The following FOXP2 variants were observed in gnomAD, a reference collection of about 807,000 sequenced individuals.
FOXP2 encodes forkhead box protein P2.
Under a neutral mutation model 115.8 loss-of-function variants are expected in FOXP2, and 12 were observed. That is an observed-to-expected ratio of 0.10 (90% CI 0.07 to 0.17). The LOEUF is 0.17. Ranked by LOEUF, FOXP2 falls within the 10% of genes least tolerant of loss-of-function variation. The pLI is 1.00. For missense variants in FOXP2, 629 were observed against 843.5 expected, an observed-to-expected ratio of 0.75 and a Z score of 3.15; for synonymous variants, 328 against 297.7, an observed-to-expected ratio of 1.10 and a Z score of -1.05.
intron 1 of FOXP2, among the ~76,000 whole-genome samples, chr7:114,234,561 A>T (rs1373838893): frequency 6.6e-6 from 1 of 152,198 alleles, no homozygotes; most frequent in Admixed American, 6.5e-5. Flanking sequence ...AATTACTTGG[A>T]ATTTAAAACA....
At chr7:114,185,344 G>A (rs1054310321) in intron 1 of FOXP2, among the ~76,000 whole-genome samples, 3 of 151,924 alleles carry the variant, frequency 2.0e-5, no homozygotes, top group Non-Finnish European at 4.4e-5. Flanking sequence ...TTTATTCCCC[G>A]TTCTGACAAT....
chr7:114,650,275 A>G (rs879287708), intron 8 of FOXP2, among the ~76,000 whole-genome samples: 15 of 152,134 alleles, frequency 9.9e-5, no homozygotes, highest in Admixed American at 2.0e-4. Context: ...TGTTATAGTG[A>G]CTATGCCTTT....
At chr7:114,361,258 T>A (rs1368298220) in intron 2 of FOXP2, among the ~76,000 whole-genome samples, 3 of 152,216 alleles carry the variant, frequency 2.0e-5, no homozygotes, top group Non-Finnish European at 2.9e-5. Context: ...TTGCCTAGGA[T>A]AATTAAGAAT....
At chr7:114,261,442 TTATC>T (rs1321640305) in intron 1 of FOXP2, among the ~76,000 whole-genome samples, 1 of 152,172 alleles carries the variant, frequency 6.6e-6, no homozygotes, top group Non-Finnish European at 1.5e-5. Flanking sequence ...TGTATTTTGA[TTATC>T]TAAGGAAAAG....
intron 2 of FOXP2, among the ~76,000 whole-genome samples, chr7:114,489,950 G>A (rs1045391823): frequency 6.6e-6 from 1 of 152,096 alleles, no homozygotes; most frequent in Non-Finnish European, 1.5e-5. Flanking sequence ...AGGATGTGGA[G>A]CAACAGGGAC....
At chr7:114,433,361 A>G (rs1794197188) in intron 2 of FOXP2, among the ~76,000 whole-genome samples, 1 of 151,986 alleles carries the variant, frequency 6.6e-6, no homozygotes, top group African/African-American at 2.4e-5. Context: ...TTCTTTTACA[A>G]ATACTTACCT....
At chr7:114,382,692 G>A (rs1452781186) in intron 2 of FOXP2, among the ~76,000 whole-genome samples, 3 of 151,762 alleles carry the variant, frequency 2.0e-5, no homozygotes, top group Non-Finnish European at 4.4e-5. Flanking sequence ...TCTAAGTTTT[G>A]CTCTGGGCCT....
intron 2 of FOXP2, among the ~76,000 whole-genome samples, chr7:114,513,718 T>C (rs184321440): frequency 0.013 from 1,908 of 152,286 alleles, 32 homozygotes; most frequent in South Asian, 0.065. Flanking sequence ...TATTTAAACA[T>C]AAATCTGCAG....
intron 2 of FOXP2, among the ~76,000 whole-genome samples, chr7:114,364,040 A>T (rs926618324): frequency 1.4e-4 from 21 of 150,476 alleles, no homozygotes; most frequent in Admixed American, 1.3e-3. Context: ...ACACTATCCT[A>T]AATTTATGAA....
intron 1 of FOXP2, among the ~76,000 whole-genome samples, chr7:114,231,130 A>G (rs1794865373): frequency 1.3e-5 from 2 of 152,204 alleles, no homozygotes; most frequent in Non-Finnish European, 2.9e-5. Flanking sequence ...TGAAAACAAT[A>G]TCATTTAAAA....
intron 2 of FOXP2, among the ~76,000 whole-genome samples, chr7:114,384,278 A>G (rs1792385247): frequency 1.3e-5 from 2 of 152,164 alleles, no homozygotes; most frequent in Admixed American, 6.5e-5. Flanking sequence ...TGAGTATTTC[A>G]TAACAACCCA....
At chr7:114,328,228 C>CGTAA in intron 2 of FOXP2, among the ~76,000 whole-genome samples, 1 of 141,138 alleles carries the variant, frequency 7.1e-6, no homozygotes. Flanking sequence ...CCTTTCTTTT[C>CGTAA]TTTTCTTTTT....
At chr7:114,127,091 G>C (rs138648648) in intron 1 of FOXP2, among the ~76,000 whole-genome samples, 1 of 152,210 alleles carries the variant, frequency 6.6e-6, no homozygotes, top group South Asian at 2.1e-4. Context: ...CCAATCTCAC[G>C]TCGTTGTTGG....
At chr7:114,462,277 G>GAA (rs766244858) in intron 2 of FOXP2, among the ~76,000 whole-genome samples, 1,591 of 20,652 alleles carry the variant, frequency 0.077, 147 homozygotes, top group Non-Finnish European at 0.11. Context: ...GAGACTCCGT[G>GAA]AAAAAAAAAA....
chr7:114,527,613 C>A (rs1798940046), intron 2 of FOXP2, among the ~76,000 whole-genome samples: 1 of 152,094 alleles, frequency 6.6e-6, no homozygotes, highest in South Asian at 2.1e-4. Flanking sequence ...TAGAGCTCTG[C>A]ATTATATTTA....
At chr7:114,450,556 AG>A (rs1228574351) in intron 2 of FOXP2, among the ~76,000 whole-genome samples, 3 of 152,118 alleles carry the variant, frequency 2.0e-5, no homozygotes, top group Non-Finnish European at 2.9e-5. Context: ...GACAGGTGTC[AG>A]GGGTCTTTTG....
chr7:114,390,382 AGACTT>A (rs1412837672), intron 2 of FOXP2, among the ~76,000 whole-genome samples: 1 of 152,118 alleles, frequency 6.6e-6, no homozygotes, highest in East Asian at 1.9e-4. Context: ...AAATTACTGA[AGACTT>A]GAGTTGAGAG....
intron 1 of FOXP2, among the ~76,000 whole-genome samples, chr7:114,164,718 C>T (rs1032145834): frequency 2.6e-5 from 4 of 152,256 alleles, no homozygotes; most frequent in East Asian, 1.9e-4. Flanking sequence ...TTTTCACTAA[C>T]GTGAAACAGC....
At chr7:114,514,006 A>G (rs986209371) in intron 2 of FOXP2, among the ~76,000 whole-genome samples, 3 of 151,932 alleles carry the variant, frequency 2.0e-5, no homozygotes, top group African/African-American at 7.2e-5. Context: ...CATTTTTTAA[A>G]TTGATAAGTT....
Sources: allele counts gnomAD v4.1 joint callset (sites outside exome capture counted in the v4.1 genomes callset), GRCh38; gene constraint gnomAD v4.1.1; transcripts MANE v1.5; gene names NCBI Gene and HGNC (gene_info 2026-07-23, HGNC 2026-07-21).